The following OSGIN2 variants were observed in gnomAD, a reference collection of about 807,000 sequenced individuals.
The protein encoded by OSGIN2 is oxidative stress induced growth inhibitor family member 2, also known as oxidative stress-induced growth inhibitor 2.
A neutral mutation model predicts 53.8 loss-of-function variants in OSGIN2; 19 were observed. The ratio of observed to expected loss-of-function variants is 0.35; its 90% confidence interval spans 0.25 to 0.52. The LOEUF (loss-of-function observed/expected upper bound fraction) is 0.52. Ranked by LOEUF, OSGIN2 falls within the 20% of genes least tolerant of loss-of-function variation. The pLI is 0.95. For synonymous variants in OSGIN2, 236 were observed against 236.0 expected (o/e 1.00, Z 0.00); for missense variants, 520 against 662.7 (o/e 0.78, Z 2.36).
intron 5 of OSGIN2, 30 bp from the exon 6 acceptor site, chr8:89,924,473 T>C (rs1809271687): frequency 6.8e-7 from 1 of 1,476,594 alleles, no homozygotes; most frequent in African/African-American, 1.4e-5. Flanking sequence ...GTAGTATCCT[T>C]ATAGGATATT....
chr8:89,923,513 G>C (rs1586010103), intron 5 of OSGIN2, among the ~76,000 whole-genome samples: 1 of 152,082 alleles, frequency 6.6e-6, no homozygotes, highest in African/African-American at 2.4e-5. Context: ...CTATACTTTG[G>C]GTACCAATGC....
chr8:89,922,464 AAGAG>A (rs1171445744), intron 5 of OSGIN2, among the ~76,000 whole-genome samples: 1 of 152,224 alleles, frequency 6.6e-6, no homozygotes, highest in Non-Finnish European at 1.5e-5. Context: ...AAGGGTAAGA[AAGAG>A]AAAGCTTTAT....
chr8:89,910,152 G>A (rs1016140902), intron 2 of OSGIN2, among the ~76,000 whole-genome samples: 1 of 152,146 alleles, frequency 6.6e-6, no homozygotes, highest in Admixed American at 6.5e-5. Flanking sequence ...AACCGGTGCT[G>A]TATTAGCAAT....
intron 1 of OSGIN2, among the ~76,000 whole-genome samples, chr8:89,904,249 A>T (rs1808790095): frequency 6.6e-6 from 1 of 152,268 alleles, no homozygotes. Context: ...AATAAAGCCC[A>T]TGAGAATCTA....
chr8:89,904,916 T>C (rs1230236383), intron 1 of OSGIN2, among the ~76,000 whole-genome samples: 1 of 152,224 alleles, frequency 6.6e-6, no homozygotes, highest in Non-Finnish European at 1.5e-5. Flanking sequence ...CCACTAACTT[T>C]CCAAAGGAAA....
intron 1 of OSGIN2, 102 bp downstream of exon 1, chr8:89,902,939 T>G: frequency 1.4e-6 from 1 of 699,892 alleles, no homozygotes; most frequent in Admixed American, 4.7e-5. Flanking sequence ...GGCGAGCGCC[T>G]GGACCGCAGC....
chr8:89,914,266 T>G (rs1194546390), intron 3 of OSGIN2, 53 bp downstream of exon 3: 1 of 1,326,612 alleles, frequency 7.5e-7, no homozygotes, highest in Non-Finnish European at 1.0e-6. Flanking sequence ...GAAACAAGAT[T>G]AGTTTTTATT....
intron 2 of OSGIN2, among the ~76,000 whole-genome samples, chr8:89,910,068 G>T (rs1808937757): frequency 6.6e-6 from 1 of 151,494 alleles, no homozygotes; most frequent in South Asian, 2.1e-4. Context: ...TTACAACTCT[G>T]CAGACTTCTG....
chr8:89,905,172 T>G (rs1808810686), intron 1 of OSGIN2, among the ~76,000 whole-genome samples: 1 of 152,106 alleles, frequency 6.6e-6, no homozygotes, highest in African/African-American at 2.4e-5. Context: ...CTTTGAAATG[T>G]TCTCTGAAAC....
chr8:89,908,519 C>A (rs992757459), intron 1 of OSGIN2, among the ~76,000 whole-genome samples: 1 of 152,154 alleles, frequency 6.6e-6, no homozygotes, highest in Non-Finnish European at 1.5e-5. Context: ...AATAACTGAT[C>A]TATCCCATGC....
chr8:89,925,415 A>G lies in OSGIN2; in HGVS notation c.1533A>G (p.Gly511=). 6.2e-7 allele frequency: 1 copy of G among 1,614,136 alleles called. No individual in the cohort carries two copies. The change falls in exon 6 of 6, where the codon GGA becomes GGG. Residue 511 remains glycine (G), a synonymous_variant. Coordinates refer to ENST00000451899, the MANE Select transcript of OSGIN2 (RefSeq NM_001126111.3). ...TTTTTGCATTGGGTCCTTTGGTTGGAGACAATTTTGTTCGATTTTTAAAGG... is the reference window on the plus strand; with the variant it reads ...TTTTTGCATTGGGTCCTTTGGTTGGGGACAATTTTGTTCGATTTTTAAAGG... ...ANLFALGPLV[G]DNFVRFLKGG...
At chr8:89,903,726 A>G (rs1388576394) in intron 1 of OSGIN2, among the ~76,000 whole-genome samples, 1 of 152,218 alleles carries the variant, frequency 6.6e-6, no homozygotes, top group Non-Finnish European at 1.5e-5. Flanking sequence ...GCAACAAATC[A>G]CAGTAGTATC....
chr8:89,922,219 C>T (rs1586009234), intron 5 of OSGIN2, among the ~76,000 whole-genome samples: 1 of 152,140 alleles, frequency 6.6e-6, no homozygotes, highest in Non-Finnish European at 1.5e-5. Context: ...TCACTTCCTG[C>T]TACATAACAA....
intron 4 of OSGIN2, among the ~76,000 whole-genome samples, chr8:89,916,720 G>T (rs1308956463): frequency 6.6e-6 from 1 of 151,878 alleles, no homozygotes; most frequent in Non-Finnish European, 1.5e-5. Flanking sequence ...AACCAATTTT[G>T]TGATAAACAA....
chr8:89,907,241 TGTGCAGAAGCTC>T (rs1481299738), intron 1 of OSGIN2, among the ~76,000 whole-genome samples: 5 of 152,144 alleles, frequency 3.3e-5, no homozygotes, highest in Non-Finnish European at 7.3e-5. Context: ...TTTCTTTTGC[TGTGCAGAAGCTC>T]GTTAGTTTAA....
intron 1 of OSGIN2, among the ~76,000 whole-genome samples, chr8:89,907,198 A>C (rs956695771): frequency 2.6e-5 from 4 of 152,038 alleles, no homozygotes; most frequent in African/African-American, 7.2e-5. Flanking sequence ...ATTTTCTCCC[A>C]TTCTGTTGGT....
At chr8:89,911,345 A>G (rs1336051189) in intron 2 of OSGIN2, among the ~76,000 whole-genome samples, 1 of 152,116 alleles carries the variant, frequency 6.6e-6, no homozygotes, top group South Asian at 2.1e-4. Flanking sequence ...GGACTGGGAC[A>G]TCTCTGGGCA....
intron 1 of OSGIN2, 94 bp downstream of exon 1, chr8:89,902,931 C>T: frequency 2.3e-6 from 2 of 854,146 alleles, no homozygotes; most frequent in Non-Finnish European, 3.2e-6. Flanking sequence ...GGGTGGAGGG[C>T]GAGCGCCTGG....
At chr8:89,912,050 C>T (rs1216564765) in intron 2 of OSGIN2, among the ~76,000 whole-genome samples, 3 of 151,950 alleles carry the variant, frequency 2.0e-5, no homozygotes, top group African/African-American at 7.2e-5. Flanking sequence ...TTCTCTGTTT[C>T]TAGTATTCTT....
Sources: gnomAD v4.1 joint callset for allele counts (sites outside exome capture counted in the v4.1 genomes callset) on GRCh38, gnomAD v4.1.1 for gene constraint, MANE v1.5 for transcripts, NCBI Gene and HGNC (gene_info 2026-07-23, HGNC 2026-07-21) for gene names.